The following ZNF420 variants were observed in gnomAD, a reference collection of about 807,000 sequenced individuals.
ZNF420 encodes ATM and p53-associated KZNF protein.
Under a neutral mutation model 44.7 loss-of-function variants are expected in ZNF420, and 31 were observed. The ratio of observed to expected loss-of-function variants is 0.69; its 90% confidence interval spans 0.52 to 0.94. The LOEUF (loss-of-function observed/expected upper bound fraction) is 0.94, where lower values mean the gene tolerates loss of function less well. ZNF420 is among the 40% of genes least tolerant of loss of function. The pLI, the probability that ZNF420 is intolerant of heterozygous loss-of-function variation, is 0.00. For missense variants in ZNF420, 681 were observed against 827.9 expected (o/e 0.82, Z 2.18); for synonymous variants, 245 against 267.4 (o/e 0.92, Z 0.82).
chr19:37,069,436 T>G (rs1447502240), intron 1 of ZNF420, among the ~76,000 whole-genome samples: 1 of 152,176 alleles, frequency 6.6e-6, no homozygotes, highest in African/African-American at 2.4e-5. Context: ...CTGGACTCAA[T>G]GGGGTTATGC....
chr19:37,051,783 G>C (rs1967643954), intron 1 of ZNF420, among the ~76,000 whole-genome samples: 1 of 152,056 alleles, frequency 6.6e-6, no homozygotes, highest in African/African-American at 2.4e-5. Flanking sequence ...GTTTGCTCTT[G>C]CTTCTCTAGT....
intron 4 of ZNF420, among the ~76,000 whole-genome samples, chr19:37,117,673 C>T (rs1037397334): frequency 1.3e-5 from 2 of 151,418 alleles, no homozygotes; most frequent in African/African-American, 2.4e-5. Context: ...AAACTACTCC[C>T]GAGCTACAGG....
chr19:37,119,552 A>T (rs1467690803), intron 4 of ZNF420, among the ~76,000 whole-genome samples: 1 of 152,210 alleles, frequency 6.6e-6, no homozygotes, highest in East Asian at 1.9e-4. Flanking sequence ...TAACACCACA[A>T]TTAAAAGAAC....
chr19:37,017,437 T>C (rs2074616021), intron 1 of ZNF420, among the ~76,000 whole-genome samples: 1 of 152,208 alleles, frequency 6.6e-6, no homozygotes, highest in African/African-American at 2.4e-5. Flanking sequence ...GTGGCATACA[T>C]ACAATCCTTT....
intron 4 of ZNF420, among the ~76,000 whole-genome samples, chr19:37,116,255 A>G (rs547007367): frequency 1.1e-4 from 17 of 151,676 alleles, no homozygotes; most frequent in African/African-American, 3.9e-4. Context: ...AGGGATTCCC[A>G]GCTACCTTGG....
intron 4 of ZNF420, among the ~76,000 whole-genome samples, chr19:37,093,446 C>T (rs1362775925): frequency 6.6e-6 from 1 of 152,126 alleles, no homozygotes; most frequent in East Asian, 1.9e-4. Flanking sequence ...TGGTCTCAAA[C>T]TCCTGACCTC....
At chr19:37,083,302 T>C (rs1224347583) in intron 2 of ZNF420, among the ~76,000 whole-genome samples, 1 of 152,176 alleles carries the variant, frequency 6.6e-6, no homozygotes, top group Non-Finnish European at 1.5e-5. Flanking sequence ...GTGAATATGT[T>C]ATTTTATCAG....
upstream of ZNF420, chr19:37,078,385 T>C (rs1275285639): frequency 6.6e-6 from 1 of 152,202 alleles, no homozygotes; most frequent in Non-Finnish European, 1.5e-5. Context: ...GGACTACATT[T>C]CCCAGAGGCA....
chr19:37,109,131 G>T (rs1970251649), intron 4 of ZNF420, among the ~76,000 whole-genome samples: 2 of 150,124 alleles, frequency 1.3e-5, no homozygotes, highest in African/African-American at 4.8e-5. Context: ...TGGATTGTAG[G>T]CATTAAACAT....
intron 1 of ZNF420, among the ~76,000 whole-genome samples, chr19:37,010,833 C>T (rs988478275): frequency 3.3e-5 from 5 of 152,180 alleles, no homozygotes; most frequent in African/African-American, 1.2e-4. Context: ...GACGACCACA[C>T]TCCAGCCAAG....
At chr19:37,080,549 G>C (rs1053474193) in intron 2 of ZNF420, among the ~76,000 whole-genome samples, 161 bp downstream of exon 2, 2 of 152,186 alleles carry the variant, frequency 1.3e-5, no homozygotes, top group Non-Finnish European at 2.9e-5. Flanking sequence ...CGGGATAGAT[G>C]CTTCCCCAAT....
chr19:37,117,849 G>C (rs551099135), intron 4 of ZNF420, among the ~76,000 whole-genome samples: 364 of 152,324 alleles, frequency 2.4e-3, no homozygotes, highest in South Asian at 0.012. Flanking sequence ...GAGCCGACAC[G>C]ATCAACTGGA....
chr19:37,013,304 G>A (rs147381407), intron 1 of ZNF420, among the ~76,000 whole-genome samples: 166 of 152,256 alleles, frequency 1.1e-3, no homozygotes, highest in Non-Finnish European at 2.1e-3. Context: ...GGAGCCAGGC[G>A]CCTGTCGGCC....
intron 4 of ZNF420, among the ~76,000 whole-genome samples, chr19:37,095,852 A>T (rs1969423440): frequency 6.6e-6 from 1 of 151,782 alleles, no homozygotes; most frequent in African/African-American, 2.4e-5. Flanking sequence ...ACCCACCTCC[A>T]CCTCCCAGAG....
Position 37,127,896 on chromosome 19 carries a change from C to T in ZNF420, c.905C>T (p.Thr302Ile), listed in dbSNP as rs1207895609. ...SQLILHKRIH[T>I]GEKPYECKEC... ...CTTATTCTGCATAAGAGAATTCATA[C>T]CGGTGAGAAACCCTATGAATGTAAG... is the stretch of plus-strand genomic sequence containing the variant. Residue 302 changes from threonine (T) to isoleucine (I), a missense_variant, in exon 5 of 5, where the codon ACC (threonine) becomes ATC (isoleucine). This residue lies in a region of ZNF420 where 350 missense variants were observed against 382.5 expected (regional missense o/e 0.92). Transcript: ENST00000337995. The T allele has an allele frequency of 6.2e-7, 1 of 1,614,020 alleles. No homozygotes were observed. The highest frequency in any genetic ancestry group is 1.1e-5 in the South Asian group (1 of 91,082).
intron 4 of ZNF420, among the ~76,000 whole-genome samples, chr19:37,123,680 T>G (rs2145322012): frequency 7.1e-6 from 1 of 141,732 alleles, no homozygotes; most frequent in East Asian, 2.2e-4. Flanking sequence ...CTTGGCTCAC[T>G]GCAACCTCCA....
chr19:37,090,102 A>G (rs1969046422), intron 3 of ZNF420, among the ~76,000 whole-genome samples: 1 of 152,254 alleles, frequency 6.6e-6, no homozygotes, highest in Admixed American at 6.5e-5. Flanking sequence ...ATGATACACA[A>G]TATACATATT....
chr19:37,111,723 C>T (rs1970394161), intron 4 of ZNF420: 1 of 152,188 alleles, frequency 6.6e-6, no homozygotes, highest in African/African-American at 2.4e-5. Flanking sequence ...TAACACTTTC[C>T]ACTGAAACCT....
chr19:37,030,059 T>C (rs908432104), intron 1 of ZNF420, among the ~76,000 whole-genome samples: 14 of 152,216 alleles, frequency 9.2e-5, no homozygotes, highest in Non-Finnish European at 1.9e-4. Flanking sequence ...TATAGGATTG[T>C]TCATCCTACG....
Sources: allele counts gnomAD v4.1 joint callset (sites outside exome capture counted in the v4.1 genomes callset), GRCh38; gene constraint gnomAD v4.1.1; regional missense constraint gnomAD v4.1.1; transcripts MANE v1.5; gene names NCBI Gene and HGNC (gene_info 2026-07-23, HGNC 2026-07-21).